The following SCN10A variants were observed in gnomAD, a reference collection of about 807,000 sequenced individuals.
The protein encoded by SCN10A is sodium channel protein type 10 subunit alpha.
A neutral mutation model predicts 170.7 loss-of-function variants in SCN10A; 162 were observed. That is an observed-to-expected ratio of 0.95 (90% confidence interval 0.84 to 1.08). SCN10A has a LOEUF of 1.08. Ranked by LOEUF, SCN10A falls within the 50% of genes least tolerant of loss-of-function variation. SCN10A has a pLI of 0.00. For missense variants in SCN10A, 2,527 were observed against 2,436.9 expected, an observed-to-expected ratio of 1.04 and a Z score of -0.78; for synonymous variants, 985 against 904.6, an observed-to-expected ratio of 1.09 and a Z score of -1.59.
In SCN10A at chr3:38,768,949, T is replaced by A. The variant is rs150006666; in HGVS notation, c.599+2330A>T. ...TTTATTGGCCGATTTGTCATTTTTT[T>A]AAAAATTCTTTCTTTTTGTGTGTCT... On this transcript the variant is annotated intron_variant, in intron 5 of 27. Transcript: ENST00000449082. Among the ~76,000 whole-genome samples, 1,266 of 152,270 alleles carry A rather than the reference T, an allele frequency of 8.3e-3. 13 individuals carry two copies. The highest frequency in any genetic ancestry group is 0.025 in the African/African-American group (1,060 of 41,570).
intron 21 of SCN10A, among the ~76,000 whole-genome samples, chr3:38,714,559 A>T (rs1186312185): frequency 1.3e-5 from 2 of 152,192 alleles, no homozygotes; most frequent in Middle Eastern, 3.2e-3. Flanking sequence ...GTGGGGTCTA[A>T]TTCCCATTTG....
chr3:38,767,011 G>A (rs184253923), intron 5 of SCN10A, among the ~76,000 whole-genome samples: 1,554 of 151,366 alleles, frequency 0.01, 14 homozygotes, highest in Non-Finnish European at 0.015. Context: ...TCTAGTTTGT[G>A]CAAATAAAGG....
chr3:38,775,798 T>C (rs1175053839), intron 4 of SCN10A, among the ~76,000 whole-genome samples: 4 of 152,190 alleles, frequency 2.6e-5, no homozygotes, highest in Non-Finnish European at 5.9e-5. Context: ...TAAGGAATTA[T>C]ACCAATTGTT....
At chr3:38,721,628 C>T (rs543868401) in intron 20 of SCN10A, among the ~76,000 whole-genome samples, 18 of 152,318 alleles carry the variant, frequency 1.2e-4, no homozygotes, top group South Asian at 8.3e-4. Flanking sequence ...AAGTGTGGGT[C>T]ACTGAGGGCA....
intron 4 of SCN10A, among the ~76,000 whole-genome samples, chr3:38,773,320 A>G (rs2064032001): frequency 1.3e-5 from 2 of 152,158 alleles, no homozygotes; most frequent in Non-Finnish European, 2.9e-5. Context: ...AAATGTTACT[A>G]GAGGATATGC....
At chr3:38,755,285 A>G (rs1024487053) in intron 11 of SCN10A, among the ~76,000 whole-genome samples, 2 of 152,152 alleles carry the variant, frequency 1.3e-5, no homozygotes, top group South Asian at 4.2e-4. Context: ...ACCTCGACGC[A>G]TCAGAAAAAA....
chr3:38,707,544 G>A (rs370545434), intron 25 of SCN10A, among the ~76,000 whole-genome samples, 161 bp from the exon 26 acceptor site: 27 of 152,258 alleles, frequency 1.8e-4, no homozygotes, highest in Middle Eastern at 3.4e-3. Flanking sequence ...ATCCAGTGTC[G>A]GAACGGTGGG....
At chr3:38,726,503 CT>C in intron 17 of SCN10A, 102 bp downstream of exon 17, 1 of 947,234 alleles carries the variant, frequency 1.1e-6, no homozygotes. Context: ...GTTTAAACTT[CT>C]TTATGTCAAG....
intron 17 of SCN10A, among the ~76,000 whole-genome samples, chr3:38,726,054 C>T (rs545433120): frequency 7.9e-5 from 12 of 152,212 alleles, no homozygotes; most frequent in Non-Finnish European, 1.2e-4. Context: ...AAGAGGTTAG[C>T]GAGGGTTGAT....
In SCN10A at chr3:38,718,720, C is replaced by T; in HGVS notation, c.3614G>A (p.Trp1205Ter). 1 of 1,614,242 alleles carries T rather than the reference C, an allele frequency of 6.2e-7. No homozygotes were observed. The highest frequency in any genetic ancestry group is 1.3e-5 in the African/African-American group (1 of 75,058). ...GTACTTTTTGAAGCCATAGGCCACC[C>T]ACTTAAGCAGCATCTCGAACACAAA... ...FIFVFEMLLK[W>*]VAYGFKKYFT... is the part of the protein sequence containing the mutation. Residue 1205 changes from tryptophan to a stop codon, truncating the protein, a stop_gained, in exon 21 of 28, where the codon TGG (tryptophan) becomes TAG (stop). Coordinates refer to ENST00000449082, the MANE Select transcript of SCN10A (RefSeq NM_006514.4). LOFTEE classifies it high-confidence loss of function.
chr3:38,749,603 A>G (rs1471983375), intron 13 of SCN10A, among the ~76,000 whole-genome samples: 1 of 152,258 alleles, frequency 6.6e-6, no homozygotes, highest in Non-Finnish European at 1.5e-5. Context: ...TAAATTGTCT[A>G]CCAATATTCA....
chr3:38,757,017 C>A lies in SCN10A; in HGVS notation c.1092+1G>T. Reference sequence around the variant, plus strand: ...CTGCGTGGGGGAATGCAGCTCAGTACCTGCTGGTAGAGGCGTTCCCAGGAA... The same window carrying A: ...CTGCGTGGGGGAATGCAGCTCAGTAACTGCTGGTAGAGGCGTTCCCAGGAA... On this transcript the variant is annotated splice_donor_variant, in intron 9 of 27. Coordinates refer to ENST00000449082, the MANE Select transcript of SCN10A (RefSeq NM_006514.4). LOFTEE classifies it high-confidence loss of function. The A allele has an allele frequency of 6.2e-7, 1 of 1,608,750 alleles. No homozygotes were observed. Among genetic ancestry groups the A allele is most frequent in the Non-Finnish European group, 8.5e-7 (1 of 1,177,462 alleles).
intron 4 of SCN10A, among the ~76,000 whole-genome samples, chr3:38,782,358 C>T (rs1269022623): frequency 6.6e-6 from 1 of 152,048 alleles, no homozygotes; most frequent in African/African-American, 2.4e-5. Context: ...CCTCTGGAGG[C>T]ACCGTGGTTT....
chr3:38,754,569 T>C (rs749391786), intron 11 of SCN10A, among the ~76,000 whole-genome samples: 8 of 152,200 alleles, frequency 5.3e-5, no homozygotes, highest in Non-Finnish European at 7.3e-5. Flanking sequence ...TTCAGTGTCA[T>C]TGACATTTCC....
In SCN10A at chr3:38,697,318, A is replaced by G; in HGVS notation, c.*31T>C. The G allele has an allele frequency of 6.2e-7, 1 of 1,607,548 alleles. No individual in the cohort carries two copies. Among genetic ancestry groups the G allele is most frequent in the Non-Finnish European group, 8.5e-7 (1 of 1,175,692 alleles). On this transcript the variant is annotated 3_prime_UTR_variant, in exon 28 of 28. Transcript: ENST00000449082. ...AACACAGAGCAGAAGGACGCATCATAACTGAACATATCCAGGCTGGAGTGT... is the reference window on the plus strand; with the variant it reads ...AACACAGAGCAGAAGGACGCATCATGACTGAACATATCCAGGCTGGAGTGT...
intron 5 of SCN10A, among the ~76,000 whole-genome samples, chr3:38,768,737 A>T (rs1466702668): frequency 1.3e-5 from 2 of 152,074 alleles, no homozygotes; most frequent in East Asian, 3.9e-4. Flanking sequence ...CTAGGTGATG[A>T]TCTTTTTTGT....
chr3:38,710,076 G>C (rs2063255725), intron 24 of SCN10A, among the ~76,000 whole-genome samples: 1 of 152,208 alleles, frequency 6.6e-6, no homozygotes, highest in South Asian at 2.1e-4. Flanking sequence ...TGGGCTAAGG[G>C]AAGAGGTGGC....
chr3:38,713,665 G>A (rs1232359311), intron 22 of SCN10A, among the ~76,000 whole-genome samples: 1 of 151,984 alleles, frequency 6.6e-6, no homozygotes, highest in Admixed American at 6.6e-5. Flanking sequence ...AAGGGGGAAG[G>A]GTTACCAAAA....
At chr3:38,736,849 TAA>T (rs1172713547) in intron 15 of SCN10A, among the ~76,000 whole-genome samples, 1 of 151,412 alleles carries the variant, frequency 6.6e-6, no homozygotes, top group Non-Finnish European at 1.5e-5. Flanking sequence ...GACTGTGAAG[TAA>T]ACTTGCCTAT....
Sources: gnomAD v4.1 joint callset for allele counts (sites outside exome capture counted in the v4.1 genomes callset) on GRCh38, gnomAD v4.1.1 for gene constraint, MANE v1.5 for transcripts, NCBI Gene and HGNC (gene_info 2026-07-23, HGNC 2026-07-21) for gene names.